IRAG1: variants seen among roughly 807,000 people sequenced by gnomAD.
IRAG1 encodes the protein inositol 1,4,5-triphosphate receptor associated 1.
A neutral mutation model predicts 106.2 loss-of-function variants in IRAG1; 62 were observed. The ratio of observed to expected loss-of-function variants is 0.58; its 90% confidence interval spans 0.48 to 0.72. The LOEUF (loss-of-function observed/expected upper bound fraction) is 0.72, where lower values mean the gene tolerates loss of function less well. Among genes scored for constraint, IRAG1 ranks in the 30% least tolerant of loss-of-function variants. The probability of loss-of-function intolerance (pLI) is 0.00; values close to 1 mark genes in which losing one functional copy is unlikely to be tolerated. For synonymous variants in IRAG1, 462 were observed against 443.9 expected (o/e 1.04, Z -0.51); for missense variants, 1,064 against 1,140.7 (o/e 0.93, Z 0.97).
intron 1 of IRAG1, among the ~76,000 whole-genome samples, chr11:10,654,880 G>A (rs533012473): frequency 6.6e-6 from 1 of 152,306 alleles, no homozygotes; most frequent in South Asian, 2.1e-4. Context: ...CTGGCTCTTG[G>A]GAATGAGAAC....
chr11:10,667,546 C>A (rs1186010490), intron 1 of IRAG1, among the ~76,000 whole-genome samples: 1 of 152,206 alleles, frequency 6.6e-6, no homozygotes, highest in Non-Finnish European at 1.5e-5. Flanking sequence ...ATCTAGCCAT[C>A]CTGCAGCCCT....
chr11:10,663,554 A>G (rs762869157), intron 1 of IRAG1, among the ~76,000 whole-genome samples: 126 of 152,096 alleles, frequency 8.3e-4, no homozygotes, highest in Middle Eastern at 3.4e-3. Flanking sequence ...CTCCAAGGCC[A>G]CCTCCTCCAG....
intron 1 of IRAG1, among the ~76,000 whole-genome samples, chr11:10,689,164 G>T (rs1019081845): frequency 7.9e-5 from 12 of 151,802 alleles, no homozygotes; most frequent in Non-Finnish European, 1.5e-4. Context: ...AAATGAAAAC[G>T]GTTATTAAAC....
In IRAG1 at chr11:10,628,818, C is replaced by T. The variant is rs756664732; in HGVS notation, c.585G>A (p.Pro195=). The T allele has an allele frequency of 1.8e-5, 28 of 1,578,938 alleles. No individual in the cohort carries two copies. Among genetic ancestry groups the T allele is most frequent in the South Asian group, 1.5e-4 (13 of 85,344 alleles). ...TAGGAGAAGCGCTGGGGCTGAGGTT[C>T]GGGGAAACAGCTGTGAAGACAGACA... ...SPGDSPSAVS[P]NLSPSASPTS... Residue 195 remains proline, a synonymous_variant, in exon 6 of 21, where the codon CCG becomes CCA. Transcript: ENST00000423302. This position sits in a 1 kb window ranked among gnomAD's most constrained non-coding sequence, Gnocchi z 4.1.
rs138467086 is a variant in IRAG1 at position 10,689,434 on chromosome 11, A to T, written c.67+4102T>A. On this transcript the variant is annotated intron_variant, in intron 1 of 20. Coordinates refer to ENST00000423302, the MANE Select transcript of IRAG1 (RefSeq NM_130385.4). The stretch of plus-strand genomic sequence containing the variant: ...GAAGGAATAATGTTCTTACAATGTG[A>T]TGTTGTGTGTTTAAGGCTGGGTCAG... 6.0e-3 allele frequency among the ~76,000 whole-genome samples: 918 copies of T among 152,332 alleles called. 4 individuals are homozygous for T. Among genetic ancestry groups the T allele is most frequent in the Non-Finnish European group, 0.011 (724 of 68,032 alleles).
Position 10,627,766 on chromosome 11 carries a change from G to A in IRAG1, c.706-6C>T, listed in dbSNP as rs181173947. 1 of 1,613,958 alleles carries A rather than the reference G, an allele frequency of 6.2e-7. No individual in the cohort carries two copies. The highest frequency in any genetic ancestry group is 2.2e-5 in the East Asian group (1 of 44,878). ...ACGTCGGCCTCATCCCCCTTCTGCT[G>A]GAGAAGGTGAACAGGAGTCAGTCAG... is the stretch of plus-strand genomic sequence containing the variant. On this transcript the variant is annotated splice_polypyrimidine_tract_variant and splice_region_variant and intron_variant, in intron 7 of 20. Coordinates refer to ENST00000423302, the MANE Select transcript of IRAG1 (RefSeq NM_130385.4).
rs1472735908 is a variant in IRAG1, at chr11:10,576,235, G to T, written c.*97C>A. The T allele has an allele frequency of 1.7e-5, 26 of 1,508,504 alleles. No homozygotes were observed. Among genetic ancestry groups the T allele is most frequent in the Non-Finnish European group, 2.3e-5 (25 of 1,108,028 alleles). 93.4% of individuals were successfully genotyped at this position (1,508,504 alleles called of 1,614,324 possible). On this transcript the variant is annotated 3_prime_UTR_variant, in exon 21 of 21. Transcript: ENST00000423302. Reference sequence around the variant, plus strand: ...CCTTCCTCATGACCTGATGGGATGGGCGGCAGTGTGTCCACACTTGGGCCT... The same window carrying T: ...CCTTCCTCATGACCTGATGGGATGGTCGGCAGTGTGTCCACACTTGGGCCT...
chr11:10,589,732 C>G (rs976375872), intron 18 of IRAG1, among the ~76,000 whole-genome samples: 4 of 152,186 alleles, frequency 2.6e-5, no homozygotes, highest in African/African-American at 4.8e-5. Context: ...GTGTGCTTGA[C>G]TTGCCTTAAT....
chr11:10,677,321 A>G (rs1253813562), intron 1 of IRAG1, among the ~76,000 whole-genome samples: 1 of 152,152 alleles, frequency 6.6e-6, no homozygotes, highest in East Asian at 1.9e-4. Context: ...TCCTGAATCA[A>G]TGTCTCCCTT....
intron 10 of IRAG1, among the ~76,000 whole-genome samples, chr11:10,619,791 G>A (rs1855697714): frequency 6.6e-6 from 1 of 152,214 alleles, no homozygotes; most frequent in South Asian, 2.1e-4. Flanking sequence ...AGGCTATGCA[G>A]CTGGTAAGTG....
chr11:10,625,427 G>C (rs953780694), intron 9 of IRAG1, among the ~76,000 whole-genome samples: 2 of 152,218 alleles, frequency 1.3e-5, no homozygotes, highest in African/African-American at 4.8e-5. Context: ...GCCAACAGAA[G>C]CTGAGGGGAC....
chr11:10,660,591 C>T (rs1016938353), intron 1 of IRAG1, among the ~76,000 whole-genome samples: 2 of 152,178 alleles, frequency 1.3e-5, no homozygotes, highest in Non-Finnish European at 1.5e-5. Flanking sequence ...CTGATTCTTG[C>T]TCCTACCAGG....
chr11:10,622,876 G>GACACACACAC (rs10525799), intron 10 of IRAG1, among the ~76,000 whole-genome samples: 2,487 of 141,462 alleles, frequency 0.018, 80 homozygotes, highest in African/African-American at 0.057. Flanking sequence ...GTAAGCAGTG[G>GACACACACAC]ACACACACAC....
At chr11:10,579,849 T>C (rs72861083) in intron 20 of IRAG1, among the ~76,000 whole-genome samples, 5,300 of 152,276 alleles carry the variant, frequency 0.035, 162 homozygotes, top group African/African-American at 0.083. Context: ...ATATTCTCCT[T>C]CCCCAACTTA....
At chr11:10,671,772 C>A (rs1177850682) in intron 1 of IRAG1, among the ~76,000 whole-genome samples, 1 of 151,850 alleles carries the variant, frequency 6.6e-6, no homozygotes, top group Non-Finnish European at 1.5e-5. Flanking sequence ...ATATACTTAA[C>A]AAAATAAATG....
rs531800161 is a variant in IRAG1, at chr11:10,628,188, G to A, written c.653-163C>T. 3.3e-4 allele frequency: 248 copies of A among 759,448 alleles called. 3 individuals are homozygous for A. The South Asian group carries it at 3.5e-3, about 11-fold the overall frequency. 47.0% of individuals were successfully genotyped at this position (759,448 alleles called of 1,614,324 possible). On this transcript the variant is annotated intron_variant, in intron 6 of 20. Transcript: ENST00000423302. The surrounding 1 kb of genome is among the most constrained non-coding windows in gnomAD (Gnocchi z 4.1). ...CCAGGTTCTCAGGTGGGCCCTCACA[G>A]AATGTTCACAGAGACCACAGGAGGA...
In IRAG1 at chr11:10,596,098, T is replaced by C. The variant is rs1195258321; in HGVS notation, c.2018-1903A>G. 3.3e-5 allele frequency among the ~76,000 whole-genome samples: 5 copies of C among 152,352 alleles called. No individual in the cohort carries two copies. In the East Asian group the frequency reaches 9.6e-4, roughly 29 times the overall value. ...ACATTTTTCTTTATCCAATATGTCA[T>C]TGATGAGCATTTAGGTTGATTCCAT... On this transcript the variant is annotated intron_variant, in intron 15 of 20. Transcript: ENST00000423302.
intron 13 of IRAG1, among the ~76,000 whole-genome samples, 152 bp downstream of exon 13, chr11:10,604,253 C>A (rs1041502465): frequency 1.3e-5 from 2 of 152,202 alleles, no homozygotes; most frequent in East Asian, 3.9e-4. Context: ...GCCTCAGTTC[C>A]CCCCAACTCT....
chr11:10,592,236 G>A (rs1852762853), intron 17 of IRAG1, among the ~76,000 whole-genome samples: 1 of 152,136 alleles, frequency 6.6e-6, no homozygotes, highest in South Asian at 2.1e-4. Context: ...TGTGGGGCCT[G>A]GGGGAATAAT....
Sources: gnomAD v4.1 joint callset for allele counts (sites outside exome capture counted in the v4.1 genomes callset) on GRCh38, gnomAD v4.1.1 for gene constraint, Gnocchi (gnomAD v3.1) non-coding constraint, MANE v1.5 for transcripts, NCBI Gene and HGNC (gene_info 2026-07-23, HGNC 2026-07-21) for gene names.